The following CABP7 variants were observed in gnomAD, a reference collection of about 807,000 sequenced individuals.
CABP7 encodes calcium-binding protein 7.
Under a neutral mutation model 23.1 loss-of-function variants are expected in CABP7, and 13 were observed. The observed-to-expected ratio is 0.56, with a 90% CI of 0.37 to 0.90. CABP7 has a LOEUF of 0.90. CABP7 is among the 40% of genes least tolerant of loss of function. The pLI, the probability that CABP7 is intolerant of heterozygous loss-of-function variation, is 0.01. For missense variants in CABP7, 248 were observed against 295.6 expected (o/e 0.84, Z 1.18); for synonymous variants, 123 against 115.3 (o/e 1.07, Z -0.43).
At chr22:29,721,465 C>T (rs56686185) in intron 1 of CABP7, among the ~76,000 whole-genome samples, 22,065 of 152,018 alleles carry the variant, frequency 0.15, 2,037 homozygotes, top group South Asian at 0.24. Context: ...ATGGGGGTCA[C>T]GGCCTCCTGG....
chr22:29,727,293 C>T lies in CABP7; in HGVS notation c.110-369C>T, dbSNP rs903224504. On this transcript the variant is annotated intron_variant, in intron 1 of 4. Transcript: ENST00000216144. This position sits in a 1 kb window ranked among gnomAD's most constrained non-coding sequence, Gnocchi z 4.2. ...GAGAGGGGGATGAAAGGAATGGGGG[C>T]GGGTGGGGAAGCCGTCAGCAGCCGC... 1.7e-4 allele frequency among the ~76,000 whole-genome samples: 3 copies of T among 17,488 alleles called. No individual in the cohort carries two copies. Among genetic ancestry groups the T allele is most frequent in the East Asian group, 1.1e-3 (1 of 872 alleles). The allele number at this position is 17,488 out of a possible 152,430, so 11.5% of individuals were successfully genotyped here.
chr22:29,726,053 C>T (rs971211818), intron 1 of CABP7, among the ~76,000 whole-genome samples: 2 of 152,166 alleles, frequency 1.3e-5, no homozygotes, highest in African/African-American at 4.8e-5. Flanking sequence ...TTCCCAGAGT[C>T]CAGGGTTTGC....
intron 3 of CABP7, 149 bp downstream of exon 3, chr22:29,728,891 C>A: frequency 1.9e-6 from 2 of 1,066,788 alleles, no homozygotes; most frequent in Non-Finnish European, 2.8e-6. Flanking sequence ...GGGCCATGGG[C>A]TCCCTGGGGA....
chr22:29,728,536 C>T, intron 2 of CABP7, 94 bp from the exon 3 acceptor site: 1 of 769,700 alleles, frequency 1.3e-6, no homozygotes, highest in Non-Finnish European at 2.2e-6. Context: ...CCGGTAGGCC[C>T]AAGGTGTATC....
chr22:29,722,204 G>A (rs1351337540), intron 1 of CABP7, among the ~76,000 whole-genome samples: 2 of 152,200 alleles, frequency 1.3e-5, no homozygotes, highest in African/African-American at 4.8e-5. Flanking sequence ...AGCCCTTTCT[G>A]GGTCCCTCCT....
chr22:29,726,869 CCCT>C (rs1256591290), intron 1 of CABP7, among the ~76,000 whole-genome samples: 1 of 152,214 alleles, frequency 6.6e-6, no homozygotes, highest in African/African-American at 2.4e-5. Flanking sequence ...GGTGAGGACC[CCCT>C]CAACTGTGTG....
Position 29,729,992 on chromosome 22 carries a change from G to A in CABP7, c.*423G>A, listed in dbSNP as rs957651054. The A allele has an allele frequency of 3.8e-5, 7 of 183,424 alleles. No individual in the cohort carries two copies. Among genetic ancestry groups the A allele is most frequent in the African/African-American group, 1.7e-4 (7 of 42,124 alleles). The allele number at this position is 183,424 out of a possible 1,614,324, so 11.4% of individuals were successfully genotyped here. On this transcript the variant is annotated 3_prime_UTR_variant, in exon 5 of 5. Coordinates refer to ENST00000216144, the MANE Select transcript of CABP7 (RefSeq NM_182527.3). ...CAGCCAACCCAGCCCTGGTCCCTGA[G>A]GTCTGCCCAGGGCACAGGGCACAGG...
Position 29,720,334 on chromosome 22 carries a change from C to G in CABP7, c.-91C>G. The G allele has an allele frequency of 7.0e-6, 4 of 571,272 alleles. No homozygotes were observed. The highest frequency in any genetic ancestry group is 9.3e-6 in the Non-Finnish European group (4 of 428,270). 35.4% of individuals were successfully genotyped at this position (571,272 alleles called of 1,614,324 possible). ...CCGCCGCCCTCCGCAGCCGCGCGCC[C>G]CGCCCGCTCCAGCCGCCCCCGGGGC... On this transcript the variant is annotated 5_prime_UTR_variant, in exon 1 of 5. Transcript: ENST00000216144. This position sits in a 1 kb window ranked among gnomAD's most constrained non-coding sequence, Gnocchi z 5.2.
In CABP7 at chr22:29,720,573, A is replaced by C; in HGVS notation, c.109+40A>C. 8.3e-6 allele frequency: 11 copies of C among 1,321,544 alleles called. No individual in the cohort carries two copies. Among genetic ancestry groups the C allele is most frequent in the African/African-American group, 1.5e-5 (1 of 64,664 alleles). 81.9% of individuals were successfully genotyped at this position (1,321,544 alleles called of 1,614,324 possible). ...GGATCCCCGCCCCGGCGGCCCTCCT[A>C]CCTGTGCGCCCAGGTGAAGCGCGGG... On this transcript the variant is annotated intron_variant, in intron 1 of 4. Coordinates refer to ENST00000216144, the MANE Select transcript of CABP7 (RefSeq NM_182527.3). The surrounding 1 kb of genome is among the most constrained non-coding windows in gnomAD (Gnocchi z 5.2).
In CABP7 at chr22:29,731,415, C is replaced by T. The variant is rs185879521; in HGVS notation, c.*1846C>T. On this transcript the variant is annotated 3_prime_UTR_variant, in exon 5 of 5. Coordinates refer to ENST00000216144, the MANE Select transcript of CABP7 (RefSeq NM_182527.3). The stretch of plus-strand genomic sequence containing the variant: ...GCACTACAGCCCAGGCTTATGCCAC[C>T]CCCAGCCCACCTGCCTCACCACCCT... 688 of 1,510,276 alleles carry T rather than the reference C, an allele frequency of 4.6e-4. 2 individuals are homozygous for T. The African/African-American group carries it at 9.5e-3, about 21-fold the overall frequency. The allele number at this position is 1,510,276 out of a possible 1,614,324, so 93.6% of individuals were successfully genotyped here.
Position 29,729,092 on chromosome 22 carries a change from G to A in CABP7, c.404G>A (p.Arg135Gln), listed in dbSNP as rs758107966. ...AAGCTGACGGTGGATGAGCTGAAGC[G>A]GCTGCTCTACGACACCTTCTGCGAG... is the stretch of plus-strand genomic sequence containing the variant. ...MQKLTVDELK[R>Q]LLYDTFCEHL... Residue 135 changes from arginine (R) to glutamine (Q), a missense_variant, in exon 4 of 5, where the codon CGG (arginine) becomes CAG (glutamine). Arg to Gln is a conservative substitution (Grantham distance 43). Coordinates refer to ENST00000216144, the MANE Select transcript of CABP7 (RefSeq NM_182527.3). The A allele has an allele frequency of 6.8e-6, 11 of 1,611,410 alleles. No individual in the cohort carries two copies. Among genetic ancestry groups the A allele is most frequent in the South Asian group, 2.2e-5 (2 of 91,000 alleles).
At position 29,727,179 on chromosome 22, in the gene CABP7, G is replaced by A. The variant is rs948838015; in HGVS notation, c.110-483G>A. ...ATTAGTCTGGAGCAAGCTGCCTCAC[G>A]TGGCTGCCATTAGCAAGTGTTGGCC... On this transcript the variant is annotated intron_variant, in intron 1 of 4. Coordinates refer to ENST00000216144, the MANE Select transcript of CABP7 (RefSeq NM_182527.3). The surrounding 1 kb of genome is among the most constrained non-coding windows in gnomAD (Gnocchi z 4.2). 6.6e-6 allele frequency among the ~76,000 whole-genome samples: 1 copy of A among 151,442 alleles called. No homozygotes were observed. Among genetic ancestry groups the A allele is most frequent in the African/African-American group, 2.4e-5 (1 of 41,270 alleles).
chr22:29,724,817 T>TCACAGCTTATCGCCTGCCC, intron 1 of CABP7, among the ~76,000 whole-genome samples: 1 of 152,342 alleles, frequency 6.6e-6, no homozygotes, highest in African/African-American at 2.4e-5. Context: ...CAGGGCTGCC[T>TCACAGCTTATCGCCTGCCC]CCCAGCTTAT....
Position 29,727,723 on chromosome 22 carries a change from G to C in CABP7, c.171G>C (p.Glu57Asp), listed in dbSNP as rs770899073. Residue 57 changes from glutamate to aspartate, a missense_variant, in exon 2 of 5, where the codon GAG (glutamate) becomes GAC (aspartate). Physicochemically the swap from Glu to Asp is conservative, Grantham distance 45. Transcript: ENST00000216144. This position sits in a 1 kb window ranked among gnomAD's most constrained non-coding sequence, Gnocchi z 4.2. ...RDGNGFISKQ[E>D]LGTAMRSLGY... ...GCAATGGCTTCATCTCCAAGCAGGA[G>C]CTGGGCACAGCCATGCGCTCACTGG... 2.0e-5 allele frequency: 32 copies of C among 1,613,630 alleles called. No homozygotes were observed. Among genetic ancestry groups the C allele is most frequent in the Non-Finnish European group, 2.5e-5 (29 of 1,179,958 alleles).
intron 1 of CABP7, among the ~76,000 whole-genome samples, chr22:29,722,287 GGGCCGCAGGGTGGGCAGTGCAGGGGCAA>G (rs1459735813): frequency 6.6e-6 from 1 of 152,232 alleles, no homozygotes; most frequent in Admixed American, 6.5e-5. Flanking sequence ...CAGGGGCGAG[GGGCCGCAGGGTGGGCAGTGCAGGGGCAA>G]GGCCGCAGGC....
intron 1 of CABP7, among the ~76,000 whole-genome samples, chr22:29,722,282 G>A (rs1165247905): frequency 6.6e-6 from 1 of 152,250 alleles, no homozygotes; most frequent in Non-Finnish European, 1.5e-5. Flanking sequence ...GGCTGCAGGG[G>A]CGAGGGGCCG....
Position 29,731,208 on chromosome 22 carries a change from A to G in CABP7, c.*1639A>G, listed in dbSNP as rs1415070803. The stretch of plus-strand genomic sequence containing the variant: ...TGAGAAAAGTGACCACGTGGGGGTC[A>G]GTCGGGGGCAAGGGGCTCAGCCCCA... On this transcript the variant is annotated 3_prime_UTR_variant, in exon 5 of 5. Coordinates refer to ENST00000216144, the MANE Select transcript of CABP7 (RefSeq NM_182527.3). 6.8e-7 allele frequency: 1 copy of G among 1,480,284 alleles called. No homozygotes were observed. The highest frequency in any genetic ancestry group is 2.7e-5 in the East Asian group (1 of 36,638). The allele number at this position is 1,480,284 out of a possible 1,614,324, so 91.7% of individuals were successfully genotyped here.
In CABP7 at chr22:29,727,849, C is replaced by T; in HGVS notation, c.253+44C>T. 15 of 1,584,980 alleles carry T rather than the reference C, an allele frequency of 9.5e-6. No individual in the cohort carries two copies. Among genetic ancestry groups the T allele is most frequent in the Non-Finnish European group, 1.3e-5 (15 of 1,163,510 alleles). On this transcript the variant is annotated intron_variant, in intron 2 of 4. Transcript: ENST00000216144. The surrounding 1 kb of genome is among the most constrained non-coding windows in gnomAD (Gnocchi z 4.2). ...CGGTTTCCCCACCTGGCATCTGGGC[C>T]CTGGGGGTGGGGCAGGGGCTGGGGC...
chr22:29,731,073 G>T lies in CABP7; in HGVS notation c.*1504G>T. 1 of 770,014 alleles carries T rather than the reference G, an allele frequency of 1.3e-6. No individual in the cohort carries two copies. Among genetic ancestry groups the T allele is most frequent in the South Asian group, 3.0e-5 (1 of 33,568 alleles). 47.7% of individuals were successfully genotyped at this position (770,014 alleles called of 1,614,324 possible). A position where few individuals can be genotyped will look rare whatever the true frequency, so the allele number is the denominator to read the frequency against. ...GCTGCCCGGTGCAGACCCAGGACGA[G>T]GGCTGCACTTGGTGTGGCCGTGTCC... is the stretch of plus-strand genomic sequence containing the variant. On this transcript the variant is annotated 3_prime_UTR_variant, in exon 5 of 5. Coordinates refer to ENST00000216144, the MANE Select transcript of CABP7 (RefSeq NM_182527.3).
Sources: allele counts gnomAD v4.1 joint callset (sites outside exome capture counted in the v4.1 genomes callset), GRCh38; gene constraint gnomAD v4.1.1; non-coding constraint Gnocchi (gnomAD v3.1); transcripts MANE v1.5; gene names NCBI Gene and HGNC (gene_info 2026-07-23, HGNC 2026-07-21).